The following C9orf50 variants were observed in gnomAD, a reference collection of about 807,000 sequenced individuals.
The protein encoded by C9orf50 is uncharacterized protein C9orf50.
C9orf50 carries 33 observed loss-of-function variants against 42.5 expected under a neutral mutation model. That is an observed-to-expected ratio of 0.78 (90% CI 0.59 to 1.04). The LOEUF (loss-of-function observed/expected upper bound fraction) is 1.04. C9orf50 is among the 50% of genes least tolerant of loss of function. The pLI, the probability that C9orf50 is intolerant of heterozygous loss-of-function variation, is 0.00. For synonymous variants in C9orf50, 257 were observed against 273.4 expected (o/e 0.94, Z 0.59); for missense variants, 547 against 594.3 (o/e 0.92, Z 0.83).
intron 3 of C9orf50, among the ~76,000 whole-genome samples, chr9:129,616,505 C>T (rs796353193): frequency 1.3e-5 from 2 of 152,174 alleles, no homozygotes; most frequent in African/African-American, 2.4e-5. Flanking sequence ...CATGAGCCAC[C>T]GCCCGCCCGC....
At chr9:129,615,366 C>G (rs1303933056) in intron 4 of C9orf50, 118 bp downstream of exon 4, 2 of 1,117,836 alleles carry the variant, frequency 1.8e-6, no homozygotes, top group Non-Finnish European at 2.5e-6. Context: ...TGCAGGATCA[C>G]TGATCTCTTG....
At position 129,620,509 on chromosome 9, in the gene C9orf50, T is replaced by C; in HGVS notation, c.66A>G (p.Gly22=). 1.4e-6 allele frequency: 2 copies of C among 1,436,132 alleles called. No homozygotes were observed. Among genetic ancestry groups the C allele is most frequent in the Non-Finnish European group, 1.8e-6 (2 of 1,092,696 alleles). The allele number at this position is 1,436,132 out of a possible 1,614,324, so 89.0% of individuals were successfully genotyped here. The change falls in exon 1 of 7, where the codon GGA becomes GGG. Residue 22 remains glycine, a synonymous_variant. Coordinates refer to ENST00000372478, the Ensembl canonical transcript of C9orf50. This position sits in a 1 kb window ranked among gnomAD's most constrained non-coding sequence, Gnocchi z 5.8. ...GCGGGTCGCTGCTGCGTCGGAAGTC[T>C]CCGTCGCCAGGGAGCCCCTTGGGCG...
chr9:129,616,289 C>T (rs1830375226), intron 3 of C9orf50, among the ~76,000 whole-genome samples: 1 of 152,216 alleles, frequency 6.6e-6, no homozygotes. Flanking sequence ...CATCTCGGCT[C>T]ATTGCAAGCT....
chr9:129,615,389 C>T (rs1396499969), intron 4 of C9orf50, 95 bp downstream of exon 4: 3 of 1,324,458 alleles, frequency 2.3e-6, no homozygotes, highest in Admixed American at 2.7e-5. Context: ...CTTTGCAAAG[C>T]CAGTCCCTCA....
In C9orf50 at chr9:129,620,710, G is replaced by C. The variant is rs578202793; in HGVS notation, c.-136C>G. The C allele has an allele frequency of 1.3e-6, 1 of 772,788 alleles. No individual in the cohort carries two copies. The highest frequency in any genetic ancestry group is 1.8e-5 in the African/African-American group (1 of 55,322). The allele number at this position is 772,788 out of a possible 1,614,324, so 47.9% of individuals were successfully genotyped here. ...AGCGCGGTGCGGGGTGAACGCCACC[G>C]GCCCGGCGGACAGCGAGTGGCTTCA... On this transcript the variant is annotated 5_prime_UTR_variant, in exon 1 of 7. Transcript: ENST00000372478. The surrounding 1 kb of genome is among the most constrained non-coding windows in gnomAD (Gnocchi z 5.8).
At chr9:129,612,820 ACT>A (rs1358784136) in intron 6 of C9orf50, among the ~76,000 whole-genome samples, 1 of 151,966 alleles carries the variant, frequency 6.6e-6, no homozygotes, top group Non-Finnish European at 1.5e-5. Flanking sequence ...ACAGAGCAAC[ACT>A]CTGTCTCAAA....
In C9orf50 at chr9:129,614,823, A is replaced by G. The variant is rs1240439076; in HGVS notation, c.880+661T>C. 6.6e-6 allele frequency among the ~76,000 whole-genome samples: 1 copy of G among 152,064 alleles called. No homozygotes were observed. Among genetic ancestry groups the G allele is most frequent in the Non-Finnish European group, 1.5e-5 (1 of 68,012 alleles). On this transcript the variant is annotated intron_variant, in intron 4 of 6. Coordinates refer to ENST00000372478, the Ensembl canonical transcript of C9orf50. This position sits in a 1 kb window ranked among gnomAD's most constrained non-coding sequence, Gnocchi z 4.4. ...AGGCTGAGGCAGGAGAATGGCATGA[A>G]CCCGGGAGGTGGAGCTTGCAGCGAG...
At chr9:129,621,261 C>A (rs1313525131), upstream of C9orf50, among the ~76,000 whole-genome samples, 5 of 152,196 alleles carry the variant, frequency 3.3e-5, no homozygotes, top group East Asian at 9.6e-4. Flanking sequence ...GGGTGGGGAG[C>A]CTGTTGAAAA....
Position 129,620,406 on chromosome 9 carries a change from C to G in C9orf50, c.169G>C (p.Gly57Arg). The change falls in exon 1 of 7, where the codon GGC becomes CGC. Residue 57 changes from glycine (G) to arginine (R), a missense_variant. By Grantham distance (125) the Gly-to-Arg change is moderately radical. This residue lies in a region of C9orf50 where 105 missense variants were observed against 98.5 expected (regional missense o/e 1.07). Coordinates refer to ENST00000372478, the Ensembl canonical transcript of C9orf50. This position sits in a 1 kb window ranked among gnomAD's most constrained non-coding sequence, Gnocchi z 5.8. Reference sequence around the variant, plus strand: ...CCTTCCGGCCACCACGCGGCGCCGCCCCCCGGGATCCTCCAGTCCCCGGAG... The same window carrying G: ...CCTTCCGGCCACCACGCGGCGCCGCGCCCCGGGATCCTCCAGTCCCCGGAG... The G allele has an allele frequency of 8.1e-7, 1 of 1,237,738 alleles. No individual in the cohort carries two copies. The highest frequency in any genetic ancestry group is 1.0e-6 in the Non-Finnish European group (1 of 991,156). 76.7% of individuals were successfully genotyped at this position (1,237,738 alleles called of 1,614,324 possible).
chr9:129,612,685 C>A (rs1830148458), intron 6 of C9orf50, among the ~76,000 whole-genome samples: 1 of 152,248 alleles, frequency 6.6e-6, no homozygotes, highest in African/African-American at 2.4e-5. Context: ...CAAGACCAGC[C>A]TGGCCAGCAT....
In C9orf50 at chr9:129,613,613, C is replaced by G; in HGVS notation, c.881-16G>C. 6.2e-7 allele frequency: 1 copy of G among 1,613,902 alleles called. No homozygotes were observed. Among genetic ancestry groups the G allele is most frequent in the Non-Finnish European group, 8.5e-7 (1 of 1,179,954 alleles). Reference sequence around the variant, plus strand: ...CTCTGTTGGACTGCAGGAAAGAGGGCAGGGTGAGATCTCTGCCCAGGAGGA... The same window carrying G: ...CTCTGTTGGACTGCAGGAAAGAGGGGAGGGTGAGATCTCTGCCCAGGAGGA... On this transcript the variant is annotated splice_polypyrimidine_tract_variant and intron_variant, in intron 4 of 6. Transcript: ENST00000372478. This position sits in a 1 kb window ranked among gnomAD's most constrained non-coding sequence, Gnocchi z 6.2.
At position 129,614,264 on chromosome 9, in the gene C9orf50, G is replaced by A. The variant is rs1052474687; in HGVS notation, c.881-667C>T. On this transcript the variant is annotated intron_variant, in intron 4 of 6. Transcript: ENST00000372478. This position sits in a 1 kb window ranked among gnomAD's most constrained non-coding sequence, Gnocchi z 4.4. ...CCCACACAAGCCCATCCTGCTTCTGGGGCCTTGGTTTCCCCACCAAACAAA... is the reference window on the plus strand; with the variant it reads ...CCCACACAAGCCCATCCTGCTTCTGAGGCCTTGGTTTCCCCACCAAACAAA... Among the ~76,000 whole-genome samples, 36 of 152,118 alleles carry A rather than the reference G, an allele frequency of 2.4e-4. No individual in the cohort carries two copies. Among genetic ancestry groups the A allele is most frequent in the Non-Finnish European group, 4.3e-4 (29 of 68,030 alleles).
At chr9:129,619,784 T>G (rs916982098) in exon 2 of C9orf50, 1 of 1,613,902 alleles carries the variant, frequency 6.2e-7, no homozygotes, top group Non-Finnish European at 8.5e-7. Context: ...GCGGAGACCC[T>G]GGGCAGTGCT....
At position 129,620,553 on chromosome 9, in the gene C9orf50, G is replaced by A; in HGVS notation, c.22C>T (p.Pro8Ser). The change falls in exon 1 of 7, where the codon CCA (proline) becomes TCA (serine). Residue 8 changes from proline to serine, a missense_variant. Pro to Ser is a moderately conservative substitution (Grantham distance 74). Around this residue, in one of 3 missense-constraint regions of C9orf50, gnomAD observed 105 missense variants for 98.5 expected, o/e 1.07. Transcript: ENST00000372478. The surrounding 1 kb of genome is among the most constrained non-coding windows in gnomAD (Gnocchi z 5.8). ...TTGGGCGCCAGGTCCTGGGCCCCTG[G>A]GCGAAGTCGACGCCAGAACATGCTT... 1 of 1,393,790 alleles carries A rather than the reference G, an allele frequency of 7.2e-7. No homozygotes were observed. Among genetic ancestry groups the A allele is most frequent in the Non-Finnish European group, 9.3e-7 (1 of 1,070,808 alleles). 86.3% of individuals were successfully genotyped at this position (1,393,790 alleles called of 1,614,324 possible). A position where few individuals can be genotyped will look rare whatever the true frequency, so the allele number is the denominator to read the frequency against.
exon 4 of C9orf50, chr9:129,615,515 T>C (rs926811210): frequency 6.2e-7 from 1 of 1,608,874 alleles, no homozygotes; most frequent in Admixed American, 1.7e-5. Context: ...AGCGGAGCGT[T>C]GTGTCCTGCA....
In C9orf50 at chr9:129,620,213, G is replaced by A. The variant is rs369716188; in HGVS notation, c.362C>T (p.Pro121Leu). 22 of 1,376,704 alleles carry A rather than the reference G, an allele frequency of 1.6e-5. 1 individual carries two copies. The East Asian group carries it at 3.2e-4, about 20-fold the overall frequency. The allele number at this position is 1,376,704 out of a possible 1,614,324, so 85.3% of individuals were successfully genotyped here. A position where few individuals can be genotyped will look rare whatever the true frequency, so the allele number is the denominator to read the frequency against. The change falls in exon 1 of 7, where the codon CCT becomes CTT. Residue 121 changes from proline to leucine, a missense_variant. Physicochemically the swap from Pro to Leu is moderately conservative, Grantham distance 98. Around this residue, in one of 3 missense-constraint regions of C9orf50, gnomAD observed 108 missense variants for 172.1 expected, o/e 0.63. Transcript: ENST00000372478. This position sits in a 1 kb window ranked among gnomAD's most constrained non-coding sequence, Gnocchi z 5.8. ...CCTCCGGGGGCGCTCGCGCTCTCCA[G>A]GCCCTGGCTGCCTGGGCGCCGATTC...
At position 129,613,012 on chromosome 9, in the gene C9orf50, GC is replaced by G; in HGVS notation, c.1188+94del. ...GGCTCTCAGGGAGGGTCCACTCCCAGCCCCAGCCACTCCACCAAACAGGGCT... is the reference window on the plus strand; with the variant it reads ...GGCTCTCAGGGAGGGTCCACTCCCAGCCCAGCCACTCCACCAAACAGGGCT... On this transcript the variant is annotated intron_variant, in intron 6 of 6. Transcript: ENST00000372478. The surrounding 1 kb of genome is among the most constrained non-coding windows in gnomAD (Gnocchi z 6.2). 6.6e-7 allele frequency: 1 copy of G among 1,524,610 alleles called. No individual in the cohort carries two copies. Among genetic ancestry groups the G allele is most frequent in the Non-Finnish European group, 8.9e-7 (1 of 1,124,452 alleles). 94.4% of individuals were successfully genotyped at this position (1,524,610 alleles called of 1,614,324 possible).
upstream of C9orf50, chr9:129,620,874 C>T (rs1830674004): frequency 3.1e-6 from 1 of 324,072 alleles, no homozygotes; most frequent in Non-Finnish European, 5.6e-6. The surrounding 1 kb of genome is among the most constrained non-coding windows in gnomAD (Gnocchi z 5.8). Context: ...CAGTGCCAGG[C>T]ACGCTGGCCA....
exon 3 of C9orf50, chr9:129,619,594 C>A: frequency 6.2e-7 from 1 of 1,614,034 alleles, no homozygotes; most frequent in Non-Finnish European, 8.5e-7. Context: ...TCTGCTGGAG[C>A]GAAATCTTCG....
Sources: allele counts gnomAD v4.1 joint callset (sites outside exome capture counted in the v4.1 genomes callset), GRCh38; gene constraint gnomAD v4.1.1; regional missense constraint gnomAD v4.1.1; non-coding constraint Gnocchi (gnomAD v3.1); transcripts MANE v1.5; gene names NCBI Gene and HGNC (gene_info 2026-07-23, HGNC 2026-07-21).